The following SLC49A3 variants were observed in gnomAD, a reference collection of about 807,000 sequenced individuals.
SLC49A3 encodes the protein solute carrier family 49 member A3.
SLC49A3 carries 50 observed loss-of-function variants against 43.8 expected under a neutral mutation model. That is an observed-to-expected ratio of 1.14 (90% CI 0.91 to 1.45). The LOEUF (loss-of-function observed/expected upper bound fraction) is 1.45, where lower values mean the gene tolerates loss of function less well. Ranked by LOEUF, SLC49A3 falls within the 40% of genes most tolerant of loss-of-function variation. SLC49A3 has a pLI of 0.00. For missense variants in SLC49A3, 906 were observed against 774.1 expected, an observed-to-expected ratio of 1.17 and a Z score of -2.02; for synonymous variants, 413 against 352.0, an observed-to-expected ratio of 1.17 and a Z score of -1.94.
Position 686,622 on chromosome 4 carries a change from G to A in SLC49A3, c.204C>T (p.Ile68=), listed in dbSNP as rs370911635. 5 of 1,613,386 alleles carry A rather than the reference G, an allele frequency of 3.1e-6. No individual in the cohort carries two copies. Among genetic ancestry groups the A allele is most frequent in the South Asian group, 1.1e-5 (1 of 91,090 alleles). ...AEDLVLSMEQ[I]NWLSLVYLVV... ...CGAGGTAGACCAGTGACAGCCAGTT[G>A]ATCTGCTCCATGGACAGGACCAAGT... is the stretch of plus-strand genomic sequence containing the variant. The change falls in exon 2 of 10, where the codon ATC becomes ATT. Residue 68 remains isoleucine (I), a synonymous_variant. Transcript: ENST00000322224.
At chr4:678,791 G>A (rs776053376), downstream of SLC49A3, 5 of 1,607,644 alleles carry the variant, frequency 3.1e-6, no homozygotes, top group East Asian at 8.9e-5. Flanking sequence ...TTCACTGGGA[G>A]CCCCCACCCC....
Position 682,391 on chromosome 4 carries a change from C to T in SLC49A3, c.1262-15G>A, listed in dbSNP as rs1739928107. The T allele has an allele frequency of 1.5e-6, 2 of 1,329,074 alleles. No individual in the cohort carries two copies. Among genetic ancestry groups the T allele is most frequent in the Non-Finnish European group, 1.9e-6 (2 of 1,031,374 alleles). 82.3% of individuals were successfully genotyped at this position (1,329,074 alleles called of 1,614,324 possible). A position where few individuals can be genotyped will look rare whatever the true frequency, so the allele number is the denominator to read the frequency against. On this transcript the variant is annotated splice_polypyrimidine_tract_variant and intron_variant, in intron 9 of 9. Transcript: ENST00000322224. ...CAGCAGAGACACTGGGGACACATAG[C>T]ACAGCTGTCCCCACAGCCAAGCCCA...
At chr4:678,476 G>A (rs930302644), downstream of SLC49A3, 52 of 1,434,738 alleles carry the variant, frequency 3.6e-5, no homozygotes, top group South Asian at 2.4e-4. Context: ...ACCTGCAGCC[G>A]TCCTGCCCCC....
downstream of SLC49A3, chr4:679,207 G>A (rs1484625482): frequency 4.1e-6 from 3 of 734,988 alleles, no homozygotes; most frequent in Non-Finnish European, 7.2e-6. Context: ...TTCCATCAGA[G>A]CTGGCAGAGA....
At position 682,177 on chromosome 4, in the gene SLC49A3, C is replaced by T; in HGVS notation, c.1461G>A (p.Ala487=). ...CCCCCCTCGCCGTGCACTCCGGAGT[C>T]GCCGTGCTGGGCCCCAGGACCCCAG... ...GRAGVLGPST[A]TPECTARGAS... Residue 487 remains alanine (A), a synonymous_variant, in exon 10 of 10, where the codon GCG becomes GCA. Coordinates refer to ENST00000322224, the MANE Select transcript of SLC49A3 (RefSeq NM_032219.4). 3 of 1,352,270 alleles carry T rather than the reference C, an allele frequency of 2.2e-6. No individual in the cohort carries two copies. Among genetic ancestry groups the T allele is most frequent in the East Asian group, 3.0e-5 (1 of 33,476 alleles). The allele number at this position is 1,352,270 out of a possible 1,614,324, so 83.8% of individuals were successfully genotyped here. A position where few individuals can be genotyped will look rare whatever the true frequency, so the allele number is the denominator to read the frequency against.
At chr4:678,915 C>G, downstream of SLC49A3, 1 of 1,611,866 alleles carries the variant, frequency 6.2e-7, no homozygotes, top group Middle Eastern at 1.7e-4. Context: ...GGGGCAGAGC[C>G]CAGCCGGGTT....
At chr4:680,780 C>G, downstream of SLC49A3, 1 of 664,556 alleles carries the variant, frequency 1.5e-6, no homozygotes, top group Non-Finnish European at 2.5e-6. Context: ...GGACCAGCGC[C>G]TGTGCCCGGT....
chr4:689,175 C>A, upstream of SLC49A3: 1 of 1,243,456 alleles, frequency 8.0e-7, no homozygotes, highest in Non-Finnish European at 1.0e-6. Context: ...GCCGCCCGGG[C>A]TTAAGGACCT....
At chr4:681,219 G>A, downstream of SLC49A3, 5 of 1,512,160 alleles carry the variant, frequency 3.3e-6, no homozygotes, top group Non-Finnish European at 4.5e-6. Context: ...GGGGGACGCG[G>A]AGCCCGAGGA....
At chr4:684,919 C>T (rs1339429817) in intron 4 of SLC49A3, 63 bp from the exon 5 acceptor site, 6 of 1,544,260 alleles carry the variant, frequency 3.9e-6, no homozygotes, top group Non-Finnish European at 5.2e-6. Flanking sequence ...CGCCGCAGCC[C>T]TGCCTGTCCC....
downstream of SLC49A3, chr4:680,845 C>T: frequency 3.2e-6 from 2 of 634,306 alleles, no homozygotes; most frequent in South Asian, 3.9e-5. Flanking sequence ...TCCTGCTAGG[C>T]GCCGGGGAAA....
chr4:679,927 C>G (rs761861962), downstream of SLC49A3: 1 of 1,613,738 alleles, frequency 6.2e-7, no homozygotes, highest in South Asian at 1.1e-5. Context: ...AGACCAACGT[C>G]AAGGACGACG....
rs758560241 is a variant in SLC49A3, at chr4:682,062, C to T, written c.1576G>A (p.Ala526Thr). 49 of 1,409,938 alleles carry T rather than the reference C, an allele frequency of 3.5e-5. No individual in the cohort carries two copies. Among genetic ancestry groups the T allele is most frequent in the Non-Finnish European group, 4.4e-5 (47 of 1,070,114 alleles). The allele number at this position is 1,409,938 out of a possible 1,614,324, so 87.3% of individuals were successfully genotyped here. ...PRAQGPAATDAPSRPGRLAGR... is the reference protein window; with the variant it reads ...PRAQGPAATDTPSRPGRLAGR... ...GCGAGTCTGCCGGGGCGGGAGGGCGCGTCGGTGGCTGCTGGGCCTTGCGCA... is the reference window on the plus strand; with the variant it reads ...GCGAGTCTGCCGGGGCGGGAGGGCGTGTCGGTGGCTGCTGGGCCTTGCGCA... The change falls in exon 10 of 10, where the codon GCG (alanine) becomes ACG (threonine). Residue 526 changes from alanine to threonine, a missense_variant. Coordinates refer to ENST00000322224, the MANE Select transcript of SLC49A3 (RefSeq NM_032219.4).
In SLC49A3 at chr4:686,630, C is replaced by A. The variant is rs909935054; in HGVS notation, c.196G>T (p.Glu66Ter). The change falls in exon 2 of 10, where the codon GAG becomes TAG. Residue 66 changes from glutamate (E) to a stop codon, truncating the protein, a stop_gained. Coordinates refer to ENST00000322224, the MANE Select transcript of SLC49A3 (RefSeq NM_032219.4). LOFTEE classifies it high-confidence loss of function. ...VIAEDLVLSM[E>*]QINWLSLVYL... is the part of the protein sequence containing the mutation. The stretch of plus-strand genomic sequence containing the variant: ...ACCAGTGACAGCCAGTTGATCTGCT[C>A]CATGGACAGGACCAAGTCCTCAGCA... 10 of 1,613,360 alleles carry A rather than the reference C, an allele frequency of 6.2e-6. No homozygotes were observed. In the South Asian group the frequency reaches 8.8e-5, roughly 14 times the overall value.
At chr4:681,051 C>G (rs1369349025), downstream of SLC49A3, 10 of 1,565,874 alleles carry the variant, frequency 6.4e-6, no homozygotes, top group Non-Finnish European at 6.9e-6. Flanking sequence ...GGCTCCTGCA[C>G]CCCCGCATCA....
chr4:681,110 G>A (rs1253453593), downstream of SLC49A3: 2 of 1,606,336 alleles, frequency 1.2e-6, no homozygotes, highest in African/African-American at 1.3e-5. Context: ...GTCTGCTGAT[G>A]TCCCAGGCTG....
downstream of SLC49A3, chr4:680,446 T>G: frequency 2.6e-6 from 4 of 1,539,036 alleles, no homozygotes; most frequent in Non-Finnish European, 2.7e-6. Flanking sequence ...TCCTGCCATC[T>G]GCCCTTGGCA....
chr4:689,322 G>A, upstream of SLC49A3: 1 of 339,558 alleles, frequency 2.9e-6, no homozygotes, highest in African/African-American at 2.2e-5. Context: ...AAAAGCGGGG[G>A]AAGGGCGGGC....
Position 689,000 on chromosome 4 carries a change from T to C in SLC49A3, c.128A>G (p.Asn43Ser). 1 of 1,594,650 alleles carries C rather than the reference T, an allele frequency of 6.3e-7. No homozygotes were observed. The highest frequency in any genetic ancestry group is 1.1e-5 in the South Asian group (1 of 90,422). Residue 43 changes from asparagine to serine, a missense_variant, in exon 1 of 10, where the codon AAC (asparagine) becomes AGC (serine). By Grantham distance (46) the Asn-to-Ser change is conservative. Transcript: ENST00000322224. ...LLAISLLNCS[N>S]ATLWLSFAPV... is the part of the protein sequence containing the mutation. ...CCCCGCCCCTGCCCCTACCGTGGCG[T>C]TGGAGCAGTTGAGCAGGCTGATCGC... is the stretch of plus-strand genomic sequence containing the variant.
Sources: allele counts gnomAD v4.1 joint callset, GRCh38; gene constraint gnomAD v4.1.1; transcripts MANE v1.5; gene names NCBI Gene and HGNC (gene_info 2026-07-23, HGNC 2026-07-21).